APAF1: variants seen among roughly 807,000 people sequenced by gnomAD.
APAF1 encodes apoptotic protease-activating factor 1.
Under a neutral mutation model 152.4 loss-of-function variants are expected in APAF1, and 91 were observed. That is an observed-to-expected ratio of 0.60 (90% CI 0.50 to 0.71). The LOEUF is 0.71. Ranked by LOEUF, APAF1 falls within the 30% of genes least tolerant of loss-of-function variation. The pLI is 0.00. For missense variants in APAF1, 1,283 were observed against 1,472.0 expected, an observed-to-expected ratio of 0.87 and a Z score of 2.10; for synonymous variants, 484 against 494.1, an observed-to-expected ratio of 0.98 and a Z score of 0.27.
At chr12:98,712,208 T>C (rs1246995012) in intron 20 of APAF1, 111 bp from the exon 21 acceptor site, 9 of 728,236 alleles carry the variant, frequency 1.2e-5, no homozygotes, top group Middle Eastern at 3.5e-4. Flanking sequence ...TGAGAGCTCT[T>C]GTTGGTTATT....
Position 98,689,495 on chromosome 12 carries a change from T to TGTGTGAGA in APAF1, c.2304+2623_2304+2624insTGTGAGAG, listed in dbSNP as rs142801463. 2.1e-3 allele frequency among the ~76,000 whole-genome samples: 310 copies of TGTGTGAGA among 151,106 alleles called. 1 individual carries two copies. Among genetic ancestry groups the TGTGTGAGA allele is most frequent in the African/African-American group, 7.2e-3 (295 of 41,104 alleles). ...GTGTCTGTGTGTGTGTGTGTGTGTG[T>TGTGTGAGA]GAGAGAGAGACACAGGGTCTTACTT... On this transcript the variant is annotated intron_variant, in intron 16 of 26. Coordinates refer to ENST00000551964, the MANE Select transcript of APAF1 (RefSeq NM_181861.2).
chr12:98,692,113 C>T (rs1365894901), intron 16 of APAF1, among the ~76,000 whole-genome samples: 53 of 152,156 alleles, frequency 3.5e-4, no homozygotes, highest in Admixed American at 2.0e-4. Context: ...GACAGAGTCT[C>T]GCTCTGTTGC....
intron 18 of APAF1, 65 bp from the exon 19 acceptor site, chr12:98,706,420 A>T (rs2097721448): frequency 6.4e-7 from 1 of 1,551,586 alleles, no homozygotes; most frequent in Non-Finnish European, 8.9e-7. Flanking sequence ...TGCTATTTTC[A>T]ATATTTTTGC....
chr12:98,684,823 A>G (rs532555539), intron 15 of APAF1, among the ~76,000 whole-genome samples: 1 of 152,334 alleles, frequency 6.6e-6, no homozygotes, highest in East Asian at 1.9e-4. Context: ...TAAATACAGG[A>G]AAAAACCTCT....
At chr12:98,719,514 TA>T (rs1482871989) in intron 22 of APAF1, among the ~76,000 whole-genome samples, 22 of 151,020 alleles carry the variant, frequency 1.5e-4, no homozygotes, top group Non-Finnish European at 3.0e-5. Context: ...CATTTCCGGC[TA>T]ATTTTTTTTT....
chr12:98,685,224 T>A (rs1353388711), intron 15 of APAF1, among the ~76,000 whole-genome samples: 1 of 152,262 alleles, frequency 6.6e-6, no homozygotes, highest in African/African-American at 2.4e-5. Context: ...TTGCATTTTT[T>A]ATACTTTCCA....
rs79290726 is a variant in APAF1 at position 98,662,581 on chromosome 12, C to T, written c.823+13C>T. 1,855 of 1,606,852 alleles carry T rather than the reference C, an allele frequency of 1.2e-3. 16 individuals carry two copies. The African/African-American group carries it at 0.022, about 19-fold the overall frequency. On this transcript the variant is annotated intron_variant, in intron 6 of 26. Coordinates refer to ENST00000551964, the MANE Select transcript of APAF1 (RefSeq NM_181861.2). ...GATTCAGTAATGGGTAAGGATTATT[C>T]GTTTACTTTTTAGTACCTTTATATT...
At chr12:98,720,357 G>C (rs577927833) in intron 22 of APAF1, among the ~76,000 whole-genome samples, 19 of 152,254 alleles carry the variant, frequency 1.2e-4, no homozygotes, top group African/African-American at 3.4e-4. Context: ...AAACTCTATA[G>C]ATATTTTCGA....
chr12:98,702,599 C>T (rs188905358), intron 17 of APAF1, among the ~76,000 whole-genome samples: 12,729 of 151,408 alleles, frequency 0.084, 715 homozygotes, highest in East Asian at 0.25. Context: ...CCAAGGTGGG[C>T]GGATCACCTG....
At position 98,647,705 on chromosome 12, in the gene APAF1, G is replaced by GTT. The variant is rs66849928; in HGVS notation, c.-41-595_-41-594dup. 6.8e-4 allele frequency among the ~76,000 whole-genome samples: 72 copies of GTT among 105,518 alleles called. 1 individual carries two copies. The highest frequency in any genetic ancestry group is 1.8e-3 in the African/African-American group (51 of 28,462). The allele number at this position is 105,518 out of a possible 152,430, so 69.2% of individuals were successfully genotyped here. A position where few individuals can be genotyped will look rare whatever the true frequency, so the allele number is the denominator to read the frequency against. On this transcript the variant is annotated intron_variant, in intron 1 of 26. Transcript: ENST00000551964. ...GTGTTGTATGTGGGATCATGTTTCT[G>GTT]TTTTTTTTTTTTTTTTTTTTCAGCA... is the stretch of plus-strand genomic sequence containing the variant.
chr12:98,688,638 A>ATTT (rs34602173), intron 16 of APAF1, among the ~76,000 whole-genome samples: 9 of 119,180 alleles, frequency 7.6e-5, no homozygotes, highest in South Asian at 2.9e-4. Flanking sequence ...ACCTGGCGAA[A>ATTT]TTTTTTTTTT....
chr12:98,681,693 T>A (rs1197210246), intron 14 of APAF1, among the ~76,000 whole-genome samples: 1 of 152,178 alleles, frequency 6.6e-6, no homozygotes, highest in East Asian at 1.9e-4. Context: ...AACCAACAGT[T>A]AATTCACTCT....
chr12:98,715,319 A>T, intron 21 of APAF1, 108 bp from the exon 22 acceptor site: 1 of 815,672 alleles, frequency 1.2e-6, no homozygotes, highest in Non-Finnish European at 1.9e-6. Context: ...GAAGCACCAG[A>T]TGGAAATTCT....
At chr12:98,718,797 G>A (rs1593109412) in intron 22 of APAF1, among the ~76,000 whole-genome samples, 1 of 151,982 alleles carries the variant, frequency 6.6e-6, no homozygotes, top group East Asian at 2.0e-4. Flanking sequence ...AGCCAGGTGT[G>A]GTAGTGCATG....
chr12:98,671,216 G>T (rs537191444), intron 11 of APAF1, 130 bp downstream of exon 11: 21 of 702,236 alleles, frequency 3.0e-5, no homozygotes, highest in Non-Finnish European at 4.8e-5. Context: ...TTGATTTTTG[G>T]TTATTCTAAT....
chr12:98,662,169 A>C (rs1371699117), intron 5 of APAF1, among the ~76,000 whole-genome samples: 1 of 134,788 alleles, frequency 7.4e-6, no homozygotes, highest in African/African-American at 2.8e-5. Flanking sequence ...TTTTTTTGGC[A>C]CTCAGTAAGT....
chr12:98,651,069 G>A (rs750196538), intron 4 of APAF1, among the ~76,000 whole-genome samples: 29 of 152,158 alleles, frequency 1.9e-4, no homozygotes, highest in Admixed American at 6.5e-4. Context: ...CTTGGAACAG[G>A]TTTTAACTAC....
At chr12:98,683,861 CAGAG>C (rs2097695065) in intron 15 of APAF1, among the ~76,000 whole-genome samples, 1 of 152,120 alleles carries the variant, frequency 6.6e-6, no homozygotes, top group Non-Finnish European at 1.5e-5. Context: ...TCTGTTATCA[CAGAG>C]AGGAGGGAGA....
chr12:98,723,044 C>A, intron 22 of APAF1, 149 bp from the exon 23 acceptor site: 1 of 720,032 alleles, frequency 1.4e-6, no homozygotes, highest in Non-Finnish European at 2.3e-6. Flanking sequence ...AAAATGTGGA[C>A]ACCACAGTCT....
Sources: allele counts gnomAD v4.1 joint callset (sites outside exome capture counted in the v4.1 genomes callset), GRCh38; gene constraint gnomAD v4.1.1; transcripts MANE v1.5; gene names NCBI Gene and HGNC (gene_info 2026-07-23, HGNC 2026-07-21).